The following GRIN2D variants were observed in gnomAD, a reference collection of about 807,000 sequenced individuals.
The protein encoded by GRIN2D is glutamate ionotropic receptor NMDA type subunit 2D, also known as glutamate receptor ionotropic, NMDA 2D.
GRIN2D carries 37 observed loss-of-function variants against 103.2 expected under a neutral mutation model. The ratio of observed to expected loss-of-function variants is 0.36; its 90% CI spans 0.28 to 0.47. The LOEUF (loss-of-function observed/expected upper bound fraction) is 0.47, where lower values mean the gene tolerates loss of function less well. Among genes scored for constraint, GRIN2D ranks in the 20% least tolerant of loss-of-function variants. GRIN2D has a pLI of 1.00. For synonymous variants in GRIN2D, 845 were observed against 885.6 expected (o/e 0.95, Z 0.81); for missense variants, 1,557 against 1,910.6 (o/e 0.81, Z 3.45).
rs1166089427 is a variant in GRIN2D, at chr19:48,414,541, C to G, written c.1369C>G (p.Arg457Gly). The G allele has an allele frequency of 7.7e-6, 12 of 1,556,140 alleles. No homozygotes were observed. The highest frequency in any genetic ancestry group is 1.0e-5 in the Non-Finnish European group (12 of 1,150,408). ...AGACCCTATCAGCGGCACCTGCATC[C>G]GAGACTCCGTCCCCTGCCGGAGCCA... ...PADPISGTCI[R>G]DSVPCRSQLN... The change falls in exon 6 of 14, where the codon CGA (arginine) becomes GGA (glycine). Residue 457 changes from arginine (R) to glycine (G), a missense_variant. Arg to Gly is a moderately radical substitution (Grantham distance 125). This residue lies in a region of GRIN2D where 197 missense variants were observed against 334.1 expected (regional missense o/e 0.59). Coordinates refer to ENST00000263269, the MANE Select transcript of GRIN2D (RefSeq NM_000836.4). The surrounding 1 kb of genome is among the most constrained non-coding windows in gnomAD (Gnocchi z 4.6).
At chr19:48,403,035 C>T (rs908078171) in intron 3 of GRIN2D, among the ~76,000 whole-genome samples, 4 of 151,806 alleles carry the variant, frequency 2.6e-5, no homozygotes, top group Non-Finnish European at 5.9e-5. Context: ...CCTGTCTCTA[C>T]TAAAAATACA....
intron 3 of GRIN2D, among the ~76,000 whole-genome samples, chr19:48,401,714 G>A (rs968289312): frequency 4.6e-5 from 7 of 152,186 alleles, no homozygotes; most frequent in Non-Finnish European, 1.0e-4. Context: ...ATCACTGGAA[G>A]GTTTTCAATT....
At chr19:48,430,224 G>A (rs753065563) in intron 11 of GRIN2D, among the ~76,000 whole-genome samples, 39 of 152,194 alleles carry the variant, frequency 2.6e-4, no homozygotes, top group Non-Finnish European at 4.3e-4. Context: ...TCTTGAGACA[G>A]GGTCTCACTA....
At chr19:48,424,214 A>C (rs985581051) in intron 11 of GRIN2D, among the ~76,000 whole-genome samples, 1 of 151,166 alleles carries the variant, frequency 6.6e-6, no homozygotes, top group African/African-American at 2.4e-5. Flanking sequence ...CCAGGAGTTC[A>C]AGACCAGCCT....
intron 11 of GRIN2D, among the ~76,000 whole-genome samples, chr19:48,434,347 G>C (rs1205703924): frequency 6.6e-6 from 1 of 152,020 alleles, no homozygotes; most frequent in Non-Finnish European, 1.5e-5. Flanking sequence ...TCCACCTCCT[G>C]GGATCAAGTG....
intron 11 of GRIN2D, among the ~76,000 whole-genome samples, chr19:48,429,840 C>A (rs750439185): frequency 6.6e-6 from 1 of 151,278 alleles, no homozygotes; most frequent in African/African-American, 2.4e-5. Flanking sequence ...ATTACGGGCA[C>A]GAGCCACCGT....
At position 48,415,017 on chromosome 19, in the gene GRIN2D, C is replaced by A. The variant is rs887342751; in HGVS notation, c.1566C>A (p.Asn522Lys). Reference sequence around the variant, plus strand: ...GAAAGAAGATCGATGGCGTCTGGAACGGCATGATCGGGGAGGTGAGGGGGC... The same window carrying A: ...GAAAGAAGATCGATGGCGTCTGGAAAGGCATGATCGGGGAGGTGAGGGGGC... ...KHGKKIDGVW[N>K]GMIGEVFYQR... The change falls in exon 7 of 14, where the codon AAC becomes AAA. Residue 522 changes from asparagine to lysine, a missense_variant. This residue lies in a region of GRIN2D where 197 missense variants were observed against 334.1 expected (regional missense o/e 0.59). Transcript: ENST00000263269. The A allele has an allele frequency of 2.5e-6, 4 of 1,592,114 alleles. No homozygotes were observed. Among genetic ancestry groups the A allele is most frequent in the African/African-American group, 1.3e-5 (1 of 74,462 alleles).
chr19:48,407,193 G>A (rs1379053729), intron 4 of GRIN2D, among the ~76,000 whole-genome samples: 2 of 151,106 alleles, frequency 1.3e-5, no homozygotes, highest in African/African-American at 2.4e-5. Context: ...GGCCAGTCTC[G>A]AACTCCTAAC....
chr19:48,434,919 G>C (rs144532208), intron 11 of GRIN2D, among the ~76,000 whole-genome samples: 1 of 152,062 alleles, frequency 6.6e-6, no homozygotes, highest in African/African-American at 2.4e-5. Flanking sequence ...TTCATTGCTA[G>C]TATATAGGAA....
At chr19:48,426,189 T>G (rs1486599759) in intron 11 of GRIN2D, among the ~76,000 whole-genome samples, 1 of 151,824 alleles carries the variant, frequency 6.6e-6, no homozygotes, top group African/African-American at 2.4e-5. Context: ...GCTTTTTTTC[T>G]TTTCTCTTCT....
chr19:48,414,554 C>T lies in GRIN2D; in HGVS notation c.1382C>T (p.Pro461Leu). 3 of 1,553,150 alleles carry T rather than the reference C, an allele frequency of 1.9e-6. No individual in the cohort carries two copies. Among genetic ancestry groups the T allele is most frequent in the Non-Finnish European group, 2.6e-6 (3 of 1,148,742 alleles). ...ISGTCIRDSV[P>L]CRSQLNRTHS... ...GGCACCTGCATCCGAGACTCCGTCC[C>T]CTGCCGGAGCCAGCTCAACCGAACC... The change falls in exon 6 of 14, where the codon CCC becomes CTC. Residue 461 changes from proline (P) to leucine (L), a missense_variant. Pro to Leu is a moderately conservative substitution (Grantham distance 98). This residue lies in a region of GRIN2D where 197 missense variants were observed against 334.1 expected (regional missense o/e 0.59). Coordinates refer to ENST00000263269, the MANE Select transcript of GRIN2D (RefSeq NM_000836.4). The surrounding 1 kb of genome is among the most constrained non-coding windows in gnomAD (Gnocchi z 4.6).
chr19:48,419,374 C>T lies in GRIN2D; in HGVS notation c.1861+15C>T, dbSNP rs1970987464. ...CACGGGCAAGCGTGAGTCCCCCTTC[C>T]TCCATCCCCCGCCTCGGAGATCCCG... is the stretch of plus-strand genomic sequence containing the variant. On this transcript the variant is annotated intron_variant, in intron 9 of 13. Coordinates refer to ENST00000263269, the MANE Select transcript of GRIN2D (RefSeq NM_000836.4). 1.3e-6 allele frequency: 2 copies of T among 1,591,266 alleles called. No individual in the cohort carries two copies. Among genetic ancestry groups the T allele is most frequent in the Non-Finnish European group, 8.5e-7 (1 of 1,174,568 alleles).
chr19:48,404,990 C>T lies in GRIN2D; in HGVS notation c.722C>T (p.Ala241Val). ...AGTGCCCAGCTCCGCAGTGTCAGCG[C>T]GCAGATCCGCCTGCTCTTCTGCGCC... The part of the protein sequence containing the change: ...VLSAQLRSVS[A>V]QIRLLFCARE... The change falls in exon 4 of 14, where the codon GCG becomes GTG. Residue 241 changes from alanine to valine, a missense_variant. Around this residue, in one of 7 missense-constraint regions of GRIN2D, gnomAD observed 490 missense variants for 601.1 expected, o/e 0.82. Coordinates refer to ENST00000263269, the MANE Select transcript of GRIN2D (RefSeq NM_000836.4). The T allele has an allele frequency of 6.2e-7, 1 of 1,612,320 alleles. No individual in the cohort carries two copies. Among genetic ancestry groups the T allele is most frequent in the Non-Finnish European group, 8.5e-7 (1 of 1,179,564 alleles).
intron 4 of GRIN2D, among the ~76,000 whole-genome samples, chr19:48,412,792 GAAACAA>G (rs1202008440): frequency 9.4e-6 from 1 of 105,910 alleles, no homozygotes; most frequent in African/African-American, 3.6e-5. Context: ...TCTGTCTCAA[GAAACAA>G]AAACAAAAAC....
At chr19:48,426,224 C>CTTTCTTTTTTTTTTTTTTTTT (rs1555893889) in intron 11 of GRIN2D, among the ~76,000 whole-genome samples, 4 of 120,116 alleles carry the variant, frequency 3.3e-5, no homozygotes, top group African/African-American at 1.4e-4. Context: ...TTCTTTCTTT[C>CTTTCTTTTTTTTTTTTTTTTT]TTTTTTTTTT....
chr19:48,402,765 CGAGAGAGAGAGAGAGAGAGA>C lies in GRIN2D; in HGVS notation c.466-1948_466-1929del, dbSNP rs35263933. 1.5e-3 allele frequency among the ~76,000 whole-genome samples: 159 copies of C among 109,004 alleles called. 1 individual carries two copies. Among genetic ancestry groups the C allele is most frequent in the Middle Eastern group, 0.011 (2 of 190 alleles). The allele number at this position is 109,004 out of a possible 152,430, so 71.5% of individuals were successfully genotyped here. The stretch of plus-strand genomic sequence containing the variant: ...AAAAAAAAGATTCTTTACTCCTTTA[CGAGAGAGAGAGAGAGAGAGA>C]GAGAGAGAGAGAGAGAGAGAATAGG... On this transcript the variant is annotated intron_variant, in intron 3 of 13. Coordinates refer to ENST00000263269, the MANE Select transcript of GRIN2D (RefSeq NM_000836.4).
intron 4 of GRIN2D, among the ~76,000 whole-genome samples, chr19:48,410,799 A>T (rs1970848596): frequency 6.6e-6 from 1 of 152,096 alleles, no homozygotes. Flanking sequence ...ACAGAAGAAG[A>T]CAGGGCAGAG....
At chr19:48,436,339 C>T (rs1488426188) in intron 11 of GRIN2D, among the ~76,000 whole-genome samples, 7 of 151,930 alleles carry the variant, frequency 4.6e-5, no homozygotes. Context: ...GGTGGGATGG[C>T]AGAACTGGCT....
At chr19:48,435,518 G>A (rs889144556) in intron 11 of GRIN2D, among the ~76,000 whole-genome samples, 1 of 151,924 alleles carries the variant, frequency 6.6e-6, no homozygotes, top group African/African-American at 2.4e-5. Context: ...ATGAACTTCT[G>A]AACTCAGGTG....
Sources: gnomAD v4.1 joint callset for allele counts (sites outside exome capture counted in the v4.1 genomes callset) on GRCh38, gnomAD v4.1.1 for gene constraint, gnomAD v4.1.1 regional missense constraint, Gnocchi (gnomAD v3.1) non-coding constraint, MANE v1.5 for transcripts, NCBI Gene and HGNC (gene_info 2026-07-23, HGNC 2026-07-21) for gene names.